RPS6KC1: variants seen among roughly 807,000 people sequenced by gnomAD.
The protein encoded by RPS6KC1 is inactive ribosomal protein S6 kinase delta-1.
A neutral mutation model predicts 103.8 loss-of-function variants in RPS6KC1; 54 were observed. The observed-to-expected ratio is 0.52, with a 90% CI of 0.42 to 0.65. RPS6KC1 has a LOEUF of 0.65. RPS6KC1 is among the 30% of genes least tolerant of loss of function. RPS6KC1 has a pLI of 0.00. For synonymous variants in RPS6KC1, 439 were observed against 438.7 expected, an observed-to-expected ratio of 1.00 and a Z score of -0.01; for missense variants, 1,151 against 1,253.8, an observed-to-expected ratio of 0.92 and a Z score of 1.24.
the RPS6KC1 span, among the ~76,000 whole-genome samples, chr1:213,463,318 T>C: frequency 1.3e-5 from 2 of 152,168 alleles, no homozygotes; most frequent in Non-Finnish European, 2.9e-5. Context: ...CTGCTTCAGT[T>C]TGAATCTGAG....
chr1:213,272,431 G>A (rs1412944275), intron 14 of RPS6KC1, 93 bp from the exon 15 acceptor site: 10 of 926,060 alleles, frequency 1.1e-5, no homozygotes, highest in Admixed American at 3.9e-5. Flanking sequence ...TTGTTACCAG[G>A]GTTGAATTTA....
At chr1:213,747,572 T>C in the RPS6KC1 span, among the ~76,000 whole-genome samples, 1 of 152,232 alleles carries the variant, frequency 6.6e-6, no homozygotes, top group Non-Finnish European at 1.5e-5. Context: ...GAGAAAAATA[T>C]AGCTATAAGC....
chr1:213,447,399 A>T, the RPS6KC1 span, among the ~76,000 whole-genome samples: 3 of 152,300 alleles, frequency 2.0e-5, no homozygotes, highest in South Asian at 6.2e-4. Context: ...TGCCAGTTTC[A>T]TATGTAACTT....
chr1:213,099,146 A>C (rs188813427), intron 3 of RPS6KC1, among the ~76,000 whole-genome samples: 2 of 152,352 alleles, frequency 1.3e-5, no homozygotes, highest in East Asian at 3.9e-4. Context: ...GTCTGCCATT[A>C]GGATGACTGT....
the RPS6KC1 span, among the ~76,000 whole-genome samples, chr1:213,730,966 G>T: frequency 4.6e-5 from 7 of 152,110 alleles, no homozygotes; most frequent in East Asian, 1.3e-3. Context: ...TAATGAAGGG[G>T]TCCAATTTCA....
At chr1:213,307,692 A>C in the RPS6KC1 span, among the ~76,000 whole-genome samples, 6 of 152,192 alleles carry the variant, frequency 3.9e-5, no homozygotes, top group Admixed American at 6.5e-5. Flanking sequence ...AGTGATACAA[A>C]GATCAGCGGG....
the RPS6KC1 span, among the ~76,000 whole-genome samples, chr1:213,409,325 A>C: frequency 6.6e-6 from 1 of 152,080 alleles, no homozygotes. Context: ...GACCAGGGGC[A>C]AAGTGCTAAG....
At chr1:213,245,142 C>G (rs2094433802) in intron 12 of RPS6KC1, among the ~76,000 whole-genome samples, 1 of 152,068 alleles carries the variant, frequency 6.6e-6, no homozygotes, top group Non-Finnish European at 1.5e-5. Flanking sequence ...GAAATTGGAG[C>G]AAAAATTTGT....
the RPS6KC1 span, among the ~76,000 whole-genome samples, chr1:213,385,791 G>A: frequency 0.011 from 1,634 of 152,286 alleles, 13 homozygotes; most frequent in Non-Finnish European, 0.017. Context: ...ACACTACAGG[G>A]CTCTGTGTGG....
chr1:213,209,832 G>A (rs12564027), intron 8 of RPS6KC1, among the ~76,000 whole-genome samples: 9 of 151,780 alleles, frequency 5.9e-5, no homozygotes, highest in Admixed American at 1.3e-4. Context: ...TAGGCTATTC[G>A]TGAGTTTTTT....
chr1:213,488,475 A>G, the RPS6KC1 span, among the ~76,000 whole-genome samples: 2 of 152,162 alleles, frequency 1.3e-5, no homozygotes, highest in African/African-American at 4.8e-5. Context: ...TTTATTTGGT[A>G]GTGTTGGTGG....
At chr1:213,663,920 A>T in the RPS6KC1 span, among the ~76,000 whole-genome samples, 17,465 of 152,218 alleles carry the variant, frequency 0.11, 1,486 homozygotes, top group African/African-American at 0.24. Context: ...CCAATGGAAT[A>T]GCAACTTCCA....
At chr1:213,846,946 T>G in the RPS6KC1 span, among the ~76,000 whole-genome samples, 13 of 152,334 alleles carry the variant, frequency 8.5e-5, no homozygotes, top group East Asian at 1.9e-3. Flanking sequence ...AACATATTTT[T>G]GGGTTGATAC....
chr1:213,628,444 C>G, the RPS6KC1 span, among the ~76,000 whole-genome samples: 1 of 151,674 alleles, frequency 6.6e-6, no homozygotes, highest in Non-Finnish European at 1.5e-5. Flanking sequence ...TGATCTGTTA[C>G]TTCTTGCCTT....
At chr1:213,812,975 G>A in the RPS6KC1 span, among the ~76,000 whole-genome samples, 2 of 152,100 alleles carry the variant, frequency 1.3e-5, no homozygotes, top group African/African-American at 2.4e-5. Flanking sequence ...GATGTCGGCC[G>A]GGCACGGTGG....
chr1:213,591,496 C>T, the RPS6KC1 span, among the ~76,000 whole-genome samples: 1,319 of 152,290 alleles, frequency 8.7e-3, 31 homozygotes, highest in African/African-American at 0.031. Context: ...AGCACATTAT[C>T]CCACTTCACC....
intron 3 of RPS6KC1, among the ~76,000 whole-genome samples, chr1:213,095,928 G>A (rs897639819): frequency 2.0e-5 from 3 of 152,198 alleles, no homozygotes; most frequent in Non-Finnish European, 4.4e-5. Context: ...GAAAGTTGGG[G>A]TAGTTGTGGC....
At chr1:213,830,974 T>G in the RPS6KC1 span, among the ~76,000 whole-genome samples, 1 of 152,160 alleles carries the variant, frequency 6.6e-6, no homozygotes, top group Non-Finnish European at 1.5e-5. Flanking sequence ...CCCCTGCCAG[T>G]GGTCCTTCCC....
At chr1:213,332,245 C>T in the RPS6KC1 span, among the ~76,000 whole-genome samples, 1 of 152,204 alleles carries the variant, frequency 6.6e-6, no homozygotes, top group Admixed American at 6.5e-5. Context: ...TCATGGCACA[C>T]TGTACATCGT....
Sources: gnomAD v4.1 joint callset for allele counts (sites outside exome capture counted in the v4.1 genomes callset) on GRCh38, gnomAD v4.1.1 for gene constraint, MANE v1.5 for transcripts, NCBI Gene and HGNC (gene_info 2026-07-23, HGNC 2026-07-21) for gene names.